SUCLG2: variants seen among roughly 807,000 people sequenced by gnomAD.
The protein encoded by SUCLG2 is succinate--CoA ligase [GDP-forming] subunit beta, mitochondrial.
In SUCLG2, 42 loss-of-function variants were observed where a neutral mutation model predicts 47.9. The ratio of observed to expected loss-of-function variants is 0.88; its 90% CI spans 0.69 to 1.14. The LOEUF (loss-of-function observed/expected upper bound fraction) is 1.14. Among genes scored for constraint, SUCLG2 ranks in the 50% most tolerant of loss-of-function variants. The pLI is 0.00. For missense variants in SUCLG2, 571 were observed against 525.9 expected (o/e 1.09, Z -0.84); for synonymous variants, 195 against 197.3 (o/e 0.99, Z 0.10).
chr3:67,398,263 C>T (rs1331189593), intron 10 of SUCLG2, among the ~76,000 whole-genome samples: 1 of 150,448 alleles, frequency 6.6e-6, no homozygotes, highest in East Asian at 2.0e-4. Flanking sequence ...ATTTTCGCAA[C>T]CTACTCATCT....
chr3:67,435,788 C>T (rs1449901209), intron 9 of SUCLG2, among the ~76,000 whole-genome samples: 1 of 152,172 alleles, frequency 6.6e-6, no homozygotes, highest in African/African-American at 2.4e-5. Flanking sequence ...TCAATTATGA[C>T]TGTTTTCCCC....
At chr3:67,604,654 G>A (rs987605801) in intron 2 of SUCLG2, among the ~76,000 whole-genome samples, 4 of 151,996 alleles carry the variant, frequency 2.6e-5, no homozygotes, top group Non-Finnish European at 5.9e-5. Context: ...GTGGCGAGAA[G>A]AAGAGAAGGT....
intron 10 of SUCLG2, among the ~76,000 whole-genome samples, chr3:67,396,325 A>C (rs944029559): frequency 6.6e-6 from 1 of 152,176 alleles, no homozygotes; most frequent in African/African-American, 2.4e-5. Context: ...CGCAATAAAA[A>C]ATGATAAGGG....
At chr3:67,610,145 T>G (rs1181307266) in intron 1 of SUCLG2, among the ~76,000 whole-genome samples, 1 of 152,216 alleles carries the variant, frequency 6.6e-6, no homozygotes, top group African/African-American at 2.4e-5. Context: ...GGAAATTTGT[T>G]TAAACACTCT....
intron 9 of SUCLG2, among the ~76,000 whole-genome samples, chr3:67,455,021 C>T (rs918094457): frequency 6.6e-6 from 1 of 151,804 alleles, no homozygotes; most frequent in Non-Finnish European, 1.5e-5. Context: ...AATATGCAGC[C>T]TGCAGTGAAA....
At chr3:67,494,527 G>A (rs1314856494) in intron 9 of SUCLG2, among the ~76,000 whole-genome samples, 1 of 152,156 alleles carries the variant, frequency 6.6e-6, no homozygotes, top group African/African-American at 2.4e-5. Flanking sequence ...TCAAGAGGCT[G>A]TGCGAGGAGG....
chr3:67,370,371 A>G (rs1701936684), downstream of SUCLG2, among the ~76,000 whole-genome samples: 1 of 152,208 alleles, frequency 6.6e-6, no homozygotes, highest in South Asian at 2.1e-4. Flanking sequence ...TTAAAAAAAT[A>G]ATAGATTTTT....
intron 9 of SUCLG2, among the ~76,000 whole-genome samples, chr3:67,431,727 G>A (rs902973760): frequency 1.2e-4 from 18 of 150,986 alleles, no homozygotes; most frequent in Admixed American, 6.6e-4. Context: ...ATCACACACC[G>A]GGGCATGTCG....
At chr3:67,500,648 C>T (rs975872378) in intron 7 of SUCLG2, among the ~76,000 whole-genome samples, 1 of 152,180 alleles carries the variant, frequency 6.6e-6, no homozygotes, top group Non-Finnish European at 1.5e-5. Flanking sequence ...AATAAAAAAG[C>T]AACTTCGTAC....
At chr3:67,628,719 A>G (rs1575828719) in intron 1 of SUCLG2, among the ~76,000 whole-genome samples, 1 of 152,094 alleles carries the variant, frequency 6.6e-6, no homozygotes, top group African/African-American at 2.4e-5. Flanking sequence ...CACCCTGTAA[A>G]ATGTGCTTTG....
At chr3:67,432,553 A>G (rs1348494515) in intron 9 of SUCLG2, among the ~76,000 whole-genome samples, 1 of 152,190 alleles carries the variant, frequency 6.6e-6, no homozygotes, top group Non-Finnish European at 1.5e-5. Flanking sequence ...CCTTATGCCT[A>G]GAGCTTCCTT....
intron 2 of SUCLG2, among the ~76,000 whole-genome samples, chr3:67,572,755 C>CAAGGTAAGG (rs746545642): frequency 3.3e-5 from 5 of 151,700 alleles, no homozygotes; most frequent in Non-Finnish European, 7.4e-5. Flanking sequence ...AGATAGAAGG[C>CAAGGTAAGG]AAGGTAAGGA....
At chr3:67,368,065 T>C (rs1701899633) in intron 10 of SUCLG2, among the ~76,000 whole-genome samples, 1 of 152,224 alleles carries the variant, frequency 6.6e-6, no homozygotes, top group Non-Finnish European at 1.5e-5. Context: ...TTTTAGATAT[T>C]GAAGTTATTC....
chr3:67,516,272 C>G (rs566952767), intron 6 of SUCLG2, among the ~76,000 whole-genome samples: 1 of 152,136 alleles, frequency 6.6e-6, no homozygotes, highest in African/African-American at 2.4e-5. Flanking sequence ...CTTACTTATC[C>G]CTCAGTTCTC....
intron 9 of SUCLG2, among the ~76,000 whole-genome samples, chr3:67,467,198 T>C (rs964255290): frequency 5.9e-5 from 9 of 152,220 alleles, no homozygotes; most frequent in African/African-American, 2.2e-4. Flanking sequence ...AGATTGATAA[T>C]ATAAACACAC....
At position 67,597,626 on chromosome 3, in the gene SUCLG2, T is replaced by A. The variant is rs72929317; in HGVS notation, c.226+11829A>T. On this transcript the variant is annotated intron_variant, in intron 2 of 10. Coordinates refer to ENST00000307227, the MANE Select transcript of SUCLG2 (RefSeq NM_003848.4). ...ATCCTTCATTTAAAAGCTGCAAGAA[T>A]TGATGGAATAATATTTAAAGCTCTC... Among the ~76,000 whole-genome samples, 5 of 152,190 alleles carry A rather than the reference T, an allele frequency of 3.3e-5. 1 individual carries two copies. The highest frequency in any genetic ancestry group is 1.2e-4 in the African/African-American group (5 of 41,498).
At chr3:67,541,798 T>A (rs1467776823) in intron 2 of SUCLG2, among the ~76,000 whole-genome samples, 4 of 151,486 alleles carry the variant, frequency 2.6e-5, no homozygotes, top group Non-Finnish European at 5.9e-5. Context: ...GAGAAGCCCA[T>A]CAGACTAACA....
At chr3:67,494,440 G>A (rs535894989) in intron 9 of SUCLG2, among the ~76,000 whole-genome samples, 1 of 152,170 alleles carries the variant, frequency 6.6e-6, no homozygotes, top group East Asian at 1.9e-4. Context: ...TTTGAGACCA[G>A]CCTGAGCAAC....
At chr3:67,407,857 T>G (rs1465919994) in intron 9 of SUCLG2, among the ~76,000 whole-genome samples, 4 of 152,226 alleles carry the variant, frequency 2.6e-5, no homozygotes, top group Non-Finnish European at 5.9e-5. Flanking sequence ...TCTTTTTTGT[T>G]GTTTTTATTT....
Sources: allele counts gnomAD v4.1 joint callset (sites outside exome capture counted in the v4.1 genomes callset), GRCh38; gene constraint gnomAD v4.1.1; transcripts MANE v1.5; gene names NCBI Gene and HGNC (gene_info 2026-07-23, HGNC 2026-07-21).